CREBBP: variants seen among roughly 807,000 people sequenced by gnomAD.
The protein encoded by CREBBP is CREB binding lysine acetyltransferase.
In CREBBP, 19 loss-of-function variants were observed where a neutral mutation model predicts 265.0. The ratio of observed to expected loss-of-function variants is 0.07; its 90% CI spans 0.05 to 0.11. The LOEUF is 0.11. Among genes scored for constraint, CREBBP ranks in the 10% least tolerant of loss-of-function variants. The pLI, the probability that CREBBP is intolerant of heterozygous loss-of-function variation, is 1.00. For synonymous variants in CREBBP, 1,457 were observed against 1,223.7 expected (o/e 1.19, Z -3.98); for missense variants, 2,525 against 3,219.0 (o/e 0.78, Z 5.22).
At chr16:3,851,860 C>CAAAAAAAAAA (rs1159688899) in intron 1 of CREBBP, among the ~76,000 whole-genome samples, 1 of 28,964 alleles carries the variant, frequency 3.5e-5, no homozygotes, top group African/African-American at 1.2e-4. Context: ...GACTCCGTCT[C>CAAAAAAAAAA]AAAAAAAAAA....
intron 5 of CREBBP, among the ~76,000 whole-genome samples, chr16:3,789,441 G>A (rs2053458071): frequency 1.3e-5 from 2 of 152,266 alleles, no homozygotes; most frequent in East Asian, 1.9e-4. Flanking sequence ...AGTCAGGTGC[G>A]CTCCAATTCT....
intron 11 of CREBBP, among the ~76,000 whole-genome samples, chr16:3,777,240 C>T (rs1450259144): frequency 6.6e-6 from 1 of 151,624 alleles, no homozygotes; most frequent in East Asian, 1.9e-4. Context: ...GAGGCTGAGG[C>T]AGGAGAATGG....
chr16:3,841,632 C>T (rs572600539), intron 2 of CREBBP, among the ~76,000 whole-genome samples: 83 of 152,048 alleles, frequency 5.5e-4, no homozygotes, highest in East Asian at 2.7e-3. Flanking sequence ...CAGAGTGAGG[C>T]CTTGTCTCAA....
intron 2 of CREBBP, among the ~76,000 whole-genome samples, chr16:3,826,379 C>T (rs1189763710): frequency 6.6e-6 from 1 of 151,936 alleles, no homozygotes; most frequent in Non-Finnish European, 1.5e-5. Context: ...GAATATAAAC[C>T]CCCTATCCTT....
intron 1 of CREBBP, among the ~76,000 whole-genome samples, chr16:3,862,443 C>G (rs2055096391): frequency 6.6e-6 from 1 of 152,272 alleles, no homozygotes; most frequent in Non-Finnish European, 1.5e-5. Context: ...TGCAGTGACA[C>G]AATCTCGGGT....
chr16:3,863,227 T>G (rs894984768), intron 1 of CREBBP, among the ~76,000 whole-genome samples: 1 of 152,236 alleles, frequency 6.6e-6, no homozygotes, highest in African/African-American at 2.4e-5. Context: ...TCAAATGCAC[T>G]TGATGGCTGT....
At chr16:3,755,889 A>G (rs1402166949) in intron 19 of CREBBP, among the ~76,000 whole-genome samples, 1 of 152,214 alleles carries the variant, frequency 6.6e-6, no homozygotes, top group African/African-American at 2.4e-5. Flanking sequence ...TACACTGAAC[A>G]GTATTAGGAA....
intron 2 of CREBBP, among the ~76,000 whole-genome samples, chr16:3,827,074 A>G (rs1073573): frequency 0.95 from 145,186 of 152,160 alleles, 69,615 homozygotes; most frequent in Middle Eastern, 1. Context: ...AGGATCGCTT[A>G]AACCCAGGAA....
At chr16:3,879,234 GCACACACACA>G (rs77377127) in intron 1 of CREBBP, among the ~76,000 whole-genome samples, 129,229 of 150,770 alleles carry the variant, frequency 0.86, 57,655 homozygotes, top group Non-Finnish European at 0.98. Context: ...ACACACGCGC[GCACACACACA>G]CACACACACA....
chr16:3,839,736 G>GAAGGGAGGGAAGGA (rs2054528782), intron 2 of CREBBP, among the ~76,000 whole-genome samples: 1 of 99,920 alleles, frequency 1.0e-5, no homozygotes, highest in African/African-American at 3.8e-5. Flanking sequence ...GAGGGGGAGG[G>GAAGGGAGGGAAGGA]AAGGGAGGGA....
rs369751767 is a variant in CREBBP at position 3,771,121 on chromosome 16, T to C, written c.2464-135A>G. ...TTCACTCTTGTCGCCCAGGCTGCAA[T>C]GCAATGGTGCGATCTCGGCTCACTG... On this transcript the variant is annotated intron_variant, in intron 13 of 30. Transcript: ENST00000262367. 10 of 904,612 alleles carry C rather than the reference T, an allele frequency of 1.1e-5. No individual in the cohort carries two copies. In the East Asian group the frequency reaches 1.3e-4, roughly 12 times the overall value. 56.0% of individuals were successfully genotyped at this position (904,612 alleles called of 1,614,324 possible).
rs2151317966 is a variant in CREBBP, at chr16:3,731,524, G to C, written c.4891-51C>G. ...CCACACAAGGGACATGGCACCTCCA[G>C]TGGTGAGCTCAGGGCAGGCGCAGCC... On this transcript the variant is annotated intron_variant, in intron 29 of 30. Transcript: ENST00000262367. This position sits in a 1 kb window ranked among gnomAD's most constrained non-coding sequence, Gnocchi z 7.7. The C allele has an allele frequency of 6.4e-7, 1 of 1,553,366 alleles. No homozygotes were observed. Among genetic ancestry groups the C allele is most frequent in the Non-Finnish European group, 8.7e-7 (1 of 1,152,220 alleles).
chr16:3,737,420 A>G (rs1015110131), intron 26 of CREBBP, among the ~76,000 whole-genome samples: 2 of 151,588 alleles, frequency 1.3e-5, no homozygotes, highest in African/African-American at 4.8e-5. Context: ...AAGGTTTAAC[A>G]GCAAGGGGCA....
chr16:3,726,186 A>G lies in CREBBP; in HGVS notation c.*1532T>C. On this transcript the variant is annotated 3_prime_UTR_variant, in exon 31 of 31. Coordinates refer to ENST00000262367, the MANE Select transcript of CREBBP (RefSeq NM_004380.3). ...CGGCAGGATTTGGGGGGAAGTCAGA[A>G]AGCACCTCGCGAGCCTGGAGCACTC... is the stretch of plus-strand genomic sequence containing the variant. 4.5e-6 allele frequency: 1 copy of G among 224,492 alleles called. No homozygotes were observed. The highest frequency in any genetic ancestry group is 8.9e-6 in the Non-Finnish European group (1 of 112,664). 13.9% of individuals were successfully genotyped at this position (224,492 alleles called of 1,614,324 possible).
rs186257133 is a variant in CREBBP, at chr16:3,860,825, G to A, written c.86-9816C>T. On this transcript the variant is annotated intron_variant, in intron 1 of 30. Transcript: ENST00000262367. ...TTAAATGACCTGGAGGCCACACTACGCTCTCGGTGTGTTTACTGATCTATT... is the reference window on the plus strand; with the variant it reads ...TTAAATGACCTGGAGGCCACACTACACTCTCGGTGTGTTTACTGATCTATT... 6.6e-5 allele frequency among the ~76,000 whole-genome samples: 10 copies of A among 152,078 alleles called. No individual in the cohort carries two copies. The East Asian group carries it at 1.5e-3, about 23-fold the overall frequency.
chr16:3,728,510 G>C lies in CREBBP; in HGVS notation c.6537C>G (p.Asn2179Lys), dbSNP rs769885422. ...GTGGATTCATACTCGCCATGTTGGG[G>C]TTGTGTCCTGGGTTCATGATGTTCA... ...QALNIMNPGH[N>K]PNMASMNPQY... The change falls in exon 31 of 31, where the codon AAC becomes AAG. Residue 2179 changes from asparagine to lysine, a missense_variant. Physicochemically the swap from Asn to Lys is moderately conservative, Grantham distance 94 (BLOSUM62 0). This residue lies in a region of CREBBP where 473 missense variants were observed against 459.3 expected (regional missense o/e 1.03). Coordinates refer to ENST00000262367, the MANE Select transcript of CREBBP (RefSeq NM_004380.3). This position sits in a 1 kb window ranked among gnomAD's most constrained non-coding sequence, Gnocchi z 8.7. The C allele has an allele frequency of 6.2e-7, 1 of 1,614,066 alleles. No homozygotes were observed. Among genetic ancestry groups the C allele is most frequent in the Non-Finnish European group, 8.5e-7 (1 of 1,180,014 alleles).
intron 1 of CREBBP, among the ~76,000 whole-genome samples, chr16:3,858,462 C>A (rs536879807): frequency 6.6e-6 from 1 of 152,158 alleles, no homozygotes; most frequent in Non-Finnish European, 1.5e-5. Context: ...AGACACAATG[C>A]GTTAAAATTA....
At chr16:3,843,170 C>T (rs956277214) in intron 2 of CREBBP, among the ~76,000 whole-genome samples, 2 of 152,128 alleles carry the variant, frequency 1.3e-5, no homozygotes, top group African/African-American at 2.4e-5. Context: ...GTTAACAGGC[C>T]TCTGGCCAGA....
chr16:3,798,249 A>T (rs1023047838), intron 3 of CREBBP, among the ~76,000 whole-genome samples: 35 of 152,230 alleles, frequency 2.3e-4, no homozygotes, highest in African/African-American at 8.2e-4. Context: ...CCGAGAATAA[A>T]TCTTCACGAC....
Sources: allele counts gnomAD v4.1 joint callset (sites outside exome capture counted in the v4.1 genomes callset), GRCh38; gene constraint gnomAD v4.1.1; regional missense constraint gnomAD v4.1.1; non-coding constraint Gnocchi (gnomAD v3.1); transcripts MANE v1.5; gene names NCBI Gene and HGNC (gene_info 2026-07-23, HGNC 2026-07-21).